GABRG3: variants seen among roughly 807,000 people sequenced by gnomAD.
The protein encoded by GABRG3 is gamma-aminobutyric acid type A receptor subunit gamma3.
In GABRG3, 25 loss-of-function variants were observed where a neutral mutation model predicts 48.8. That is an observed-to-expected ratio of 0.51 (90% CI 0.37 to 0.72). The LOEUF (loss-of-function observed/expected upper bound fraction) is 0.72, where lower values mean the gene tolerates loss of function less well. Ranked by LOEUF, GABRG3 falls within the 30% of genes least tolerant of loss-of-function variation. The pLI, the probability that GABRG3 is intolerant of heterozygous loss-of-function variation, is 0.00. For synonymous variants in GABRG3, 227 were observed against 217.6 expected (o/e 1.04, Z -0.38); for missense variants, 394 against 577.9 (o/e 0.68, Z 3.26).
At chr15:27,037,690 G>C (rs1200003925) in intron 3 of GABRG3, among the ~76,000 whole-genome samples, 2 of 152,198 alleles carry the variant, frequency 1.3e-5, no homozygotes, top group African/African-American at 4.8e-5. Flanking sequence ...TGAGGGCAAA[G>C]TTTGGCAGTT....
intron 5 of GABRG3, among the ~76,000 whole-genome samples, chr15:27,345,242 G>A (rs1894326984): frequency 6.6e-6 from 1 of 152,076 alleles, no homozygotes; most frequent in South Asian, 2.1e-4. Flanking sequence ...CATGTTTTCT[G>A]TTGCTTGCAT....
At chr15:27,291,844 T>C (rs535527483) in intron 3 of GABRG3, among the ~76,000 whole-genome samples, 128 of 152,326 alleles carry the variant, frequency 8.4e-4, no homozygotes, top group Non-Finnish European at 1.1e-3. Context: ...TTCTTCTATG[T>C]TCAATAAATT....
At chr15:27,397,565 C>T (rs765481970) in intron 5 of GABRG3, among the ~76,000 whole-genome samples, 5 of 152,162 alleles carry the variant, frequency 3.3e-5, no homozygotes, top group South Asian at 2.1e-4. Context: ...AGATTGAGGG[C>T]GTATTCCCTT....
At position 27,457,841 on chromosome 15, in the gene GABRG3, CAG is replaced by C. The variant is rs1404056704; in HGVS notation, c.575-22808_575-22807del. Among the ~76,000 whole-genome samples the C allele has an allele frequency of 6.6e-6, 1 of 152,226 alleles. No individual in the cohort carries two copies. Among genetic ancestry groups the C allele is most frequent in the African/African-American group, 2.4e-5 (1 of 41,446 alleles). ...AAGCACCTGTGCAGTGACTCCCACT[CAG>C]GGAAACCATCAGCTTTCAATTGGAG... On this transcript the variant is annotated intron_variant, in intron 5 of 9. Coordinates refer to ENST00000615808, the MANE Select transcript of GABRG3 (RefSeq NM_033223.5). The surrounding 1 kb of genome is among the most constrained non-coding windows in gnomAD (Gnocchi z 4.4).
intron 3 of GABRG3, among the ~76,000 whole-genome samples, chr15:27,149,366 T>C (rs1898267873): frequency 1.3e-5 from 2 of 152,316 alleles, no homozygotes; most frequent in South Asian, 4.1e-4. Flanking sequence ...AGACAGCTCA[T>C]GTTCATGGAT....
intron 3 of GABRG3, among the ~76,000 whole-genome samples, chr15:27,272,780 C>G (rs1245636822): frequency 6.6e-6 from 1 of 152,124 alleles, no homozygotes; most frequent in Non-Finnish European, 1.5e-5. Flanking sequence ...AGAAAAAAAC[C>G]CTGGCTGCTC....
chr15:27,083,603 G>T (rs560142057), intron 3 of GABRG3, among the ~76,000 whole-genome samples: 147 of 152,204 alleles, frequency 9.7e-4, no homozygotes, highest in African/African-American at 3.4e-3. Flanking sequence ...TGGGATTACA[G>T]GCATGAACCA....
Position 27,055,178 on chromosome 15 carries a change from C to T in GABRG3, c.270+28357C>T, listed in dbSNP as rs185972826. 2.4e-4 allele frequency among the ~76,000 whole-genome samples: 36 copies of T among 152,116 alleles called. No individual in the cohort carries two copies. In the East Asian group the frequency reaches 5.6e-3, roughly 24 times the overall value. ...CCAGAGCAGCCTGTGATAGAGGCTC[C>T]GCGTCCCGCACCGGAGCAGCCTGTG... On this transcript the variant is annotated intron_variant, in intron 3 of 9. Transcript: ENST00000615808.
At chr15:27,165,864 G>T (rs1887353982) in intron 3 of GABRG3, among the ~76,000 whole-genome samples, 1 of 152,096 alleles carries the variant, frequency 6.6e-6, no homozygotes, top group African/African-American at 2.4e-5. Context: ...CCTAGAGGAA[G>T]AAAAGGCAAC....
At position 27,328,685 on chromosome 15, in the gene GABRG3, C is replaced by G; in HGVS notation, c.492-121C>G. The G allele has an allele frequency of 4.3e-6, 3 of 705,212 alleles. No homozygotes were observed. The South Asian group carries it at 5.0e-5, about 12-fold the overall frequency. The allele number at this position is 705,212 out of a possible 1,614,324, so 43.7% of individuals were successfully genotyped here. On this transcript the variant is annotated intron_variant, in intron 4 of 9. Transcript: ENST00000615808. ...GAATGGTTCCCGGGCCAAGAGTGAG[C>G]CGCACATGCTGCCCTGGGTGACGGA...
intron 5 of GABRG3, among the ~76,000 whole-genome samples, chr15:27,396,566 G>A (rs1011417376): frequency 1.4e-4 from 21 of 152,234 alleles, no homozygotes; most frequent in African/African-American, 4.6e-4. Flanking sequence ...ATGGTATAGC[G>A]ACTTTAGAAA....
intron 5 of GABRG3, among the ~76,000 whole-genome samples, chr15:27,436,709 A>G (rs1353667860): frequency 6.6e-6 from 1 of 152,214 alleles, no homozygotes; most frequent in Non-Finnish European, 1.5e-5. Flanking sequence ...ATGGGACTGA[A>G]TGTGGCTCCT....
intron 3 of GABRG3, among the ~76,000 whole-genome samples, chr15:27,032,936 C>T (rs548470467): frequency 6.6e-6 from 1 of 152,266 alleles, no homozygotes; most frequent in Non-Finnish European, 1.5e-5. Flanking sequence ...CATCGTTCCC[C>T]AGAGGTCCCA....
intron 3 of GABRG3, chr15:27,158,336 A>T (rs1898488408): frequency 6.6e-6 from 1 of 152,168 alleles, no homozygotes; most frequent in African/African-American, 2.4e-5. Context: ...GTGGGGGTGG[A>T]TGTGTCAAGT....
At chr15:27,346,935 C>T (rs1008483986) in intron 5 of GABRG3, among the ~76,000 whole-genome samples, 1 of 152,070 alleles carries the variant, frequency 6.6e-6, no homozygotes, top group Non-Finnish European at 1.5e-5. Context: ...AGGAATGTGG[C>T]TCTAATGATT....
At chr15:27,065,958 GA>G (rs1462947607) in intron 3 of GABRG3, among the ~76,000 whole-genome samples, 3 of 152,154 alleles carry the variant, frequency 2.0e-5, no homozygotes, top group African/African-American at 7.2e-5. Flanking sequence ...CTTTTAATGG[GA>G]AAAATATTCT....
chr15:27,050,357 T>C (rs1219838563), intron 3 of GABRG3, among the ~76,000 whole-genome samples: 5 of 152,182 alleles, frequency 3.3e-5, no homozygotes, highest in Non-Finnish European at 4.4e-5. Flanking sequence ...TCTCCCCTGC[T>C]TCCCGAGGGT....
intron 5 of GABRG3, among the ~76,000 whole-genome samples, chr15:27,388,324 A>AAGGAAGGAAGGAAAGG (rs1896092097): frequency 6.1e-5 from 3 of 49,524 alleles, no homozygotes; most frequent in Admixed American, 2.2e-4. Flanking sequence ...GAGGGAAAAG[A>AAGGAAGGAAGGAAAGG]AGGAAGGAAG....
chr15:27,152,017 A>G (rs980242345), intron 3 of GABRG3, among the ~76,000 whole-genome samples: 1 of 152,174 alleles, frequency 6.6e-6, no homozygotes, highest in African/African-American at 2.4e-5. Context: ...ATGAAGTCTA[A>G]CCTGACAACT....
Sources: allele counts gnomAD v4.1 joint callset (sites outside exome capture counted in the v4.1 genomes callset), GRCh38; gene constraint gnomAD v4.1.1; non-coding constraint Gnocchi (gnomAD v3.1); transcripts MANE v1.5; gene names NCBI Gene and HGNC (gene_info 2026-07-23, HGNC 2026-07-21).